Variants in PAK1 observed in about 807,000 individuals in gnomAD.
PAK1 encodes serine/threonine-protein kinase PAK 1.
PAK1 carries 29 observed loss-of-function variants against 67.4 expected under a neutral mutation model. The ratio of observed to expected loss-of-function variants is 0.43; its 90% CI spans 0.32 to 0.59. PAK1 has a LOEUF of 0.59. Ranked by LOEUF, PAK1 falls within the 20% of genes least tolerant of loss-of-function variation. The pLI is 0.07. For synonymous variants in PAK1, 223 were observed against 237.4 expected (o/e 0.94, Z 0.56); for missense variants, 337 against 670.7 (o/e 0.50, Z 5.50).
At chr11:77,468,541 G>C (rs1957704668) in intron 1 of PAK1, among the ~76,000 whole-genome samples, 1 of 152,176 alleles carries the variant, frequency 6.6e-6, no homozygotes, top group African/African-American at 2.4e-5. Context: ...TCAGGCACAA[G>C]TGATTCCAAA....
intron 1 of PAK1, among the ~76,000 whole-genome samples, chr11:77,459,956 A>T (rs1357784718): frequency 1.3e-5 from 2 of 151,606 alleles, no homozygotes; most frequent in Admixed American, 1.3e-4. Context: ...TAGGCCTCCC[A>T]AAGTGCTGGG....
At chr11:77,469,931 A>G (rs2135561424) in intron 1 of PAK1, among the ~76,000 whole-genome samples, 1 of 152,246 alleles carries the variant, frequency 6.6e-6, no homozygotes, top group East Asian at 1.9e-4. Flanking sequence ...CACTCCAAAC[A>G]TTTATCATTT....
intron 1 of PAK1, among the ~76,000 whole-genome samples, chr11:77,450,130 C>T (rs1393476321): frequency 6.6e-6 from 1 of 152,178 alleles, no homozygotes; most frequent in Non-Finnish European, 1.5e-5. Flanking sequence ...TTAAAGCACC[C>T]AGCAGAATGT....
At chr11:77,339,253 CA>C (rs1462690438) in intron 11 of PAK1, among the ~76,000 whole-genome samples, 1 of 151,842 alleles carries the variant, frequency 6.6e-6, no homozygotes, top group Non-Finnish European at 1.5e-5. Context: ...AATAATGAGG[CA>C]AAATGATTTC....
In PAK1 at chr11:77,363,101, A is replaced by ATCT. The variant is rs547094479; in HGVS notation, c.478-4085_478-4084insAGA. On this transcript the variant is annotated intron_variant, in intron 5 of 14. Coordinates refer to ENST00000356341, the MANE Select transcript of PAK1 (RefSeq NM_002576.5). ...CAAGGTTCAGCTAAGACAGTCAAGG[A>ATCT]TAAGACTATATCCTAAGGAAATTTT... Among the ~76,000 whole-genome samples, 8 of 152,332 alleles carry ATCT rather than the reference A, an allele frequency of 5.3e-5. No individual in the cohort carries two copies. The East Asian group carries it at 1.5e-3, about 29-fold the overall frequency.
chr11:77,383,267 A>C (rs1950061319), intron 2 of PAK1, among the ~76,000 whole-genome samples: 1 of 152,078 alleles, frequency 6.6e-6, no homozygotes, highest in South Asian at 2.1e-4. Flanking sequence ...GAGAGGAGAG[A>C]AGTAAAAGGA....
At chr11:77,371,945 T>C (rs1280334338) in intron 5 of PAK1, among the ~76,000 whole-genome samples, 2 of 152,232 alleles carry the variant, frequency 1.3e-5, no homozygotes, top group Non-Finnish European at 2.9e-5. Context: ...ATGACATCTT[T>C]TTTTGTTCCT....
At chr11:77,486,627 G>A in the PAK1 span, among the ~76,000 whole-genome samples, 2 of 152,182 alleles carry the variant, frequency 1.3e-5, no homozygotes, top group Non-Finnish European at 2.9e-5. Flanking sequence ...CTATGTGTTT[G>A]GGGGAGGGAA....
intron 4 of PAK1, among the ~76,000 whole-genome samples, chr11:77,376,477 G>A (rs1430424471): frequency 6.6e-6 from 1 of 152,098 alleles, no homozygotes; most frequent in East Asian, 1.9e-4. Context: ...CATGGCTCAC[G>A]CCTGTAATCC....
At chr11:77,520,920 G>A in the PAK1 span, among the ~76,000 whole-genome samples, 1 of 152,144 alleles carries the variant, frequency 6.6e-6, no homozygotes, top group Non-Finnish European at 1.5e-5. Flanking sequence ...CTGTGACAGG[G>A]TGCCACCCAT....
the PAK1 span, among the ~76,000 whole-genome samples, chr11:77,484,991 C>A: frequency 2.0e-5 from 3 of 152,226 alleles, no homozygotes; most frequent in East Asian, 5.8e-4. Context: ...GAAAACTCCC[C>A]GTTATAATAC....
At chr11:77,511,273 A>C in the PAK1 span, among the ~76,000 whole-genome samples, 1 of 152,178 alleles carries the variant, frequency 6.6e-6, no homozygotes, top group African/African-American at 2.4e-5. Flanking sequence ...TGGTGGTGGC[A>C]AAAACATCGA....
chr11:77,380,084 TGA>T, intron 2 of PAK1, 90 bp from the exon 3 acceptor site: 1 of 861,956 alleles, frequency 1.2e-6, no homozygotes, highest in Non-Finnish European at 1.8e-6. Flanking sequence ...GTAGTCTCCT[TGA>T]GAGGGCAAAG....
At chr11:77,436,486 C>G (rs1592468602) in intron 1 of PAK1, among the ~76,000 whole-genome samples, 2 of 152,274 alleles carry the variant, frequency 1.3e-5, no homozygotes, top group Admixed American at 1.3e-4. Flanking sequence ...GTCAATTTAT[C>G]TCTCTCTCTT....
chr11:77,431,129 C>A (rs1295797917), intron 1 of PAK1, among the ~76,000 whole-genome samples: 1 of 152,076 alleles, frequency 6.6e-6, no homozygotes, highest in African/African-American at 2.4e-5. Flanking sequence ...TCCCTAATGC[C>A]AAAAATGTTG....
intron 14 of PAK1, among the ~76,000 whole-genome samples, chr11:77,331,841 TA>T (rs1264920582): frequency 1.3e-5 from 2 of 150,026 alleles, no homozygotes; most frequent in Admixed American, 1.3e-4. Flanking sequence ...AAATAAAACA[TA>T]AATAAAATAA....
intron 14 of PAK1, among the ~76,000 whole-genome samples, chr11:77,328,118 C>T (rs916757374): frequency 3.9e-5 from 6 of 152,286 alleles, no homozygotes; most frequent in African/African-American, 1.4e-4. Context: ...AATACAGGAG[C>T]ACCCAGATTC....
chr11:77,376,727 A>T (rs1243502590), intron 4 of PAK1, among the ~76,000 whole-genome samples: 2 of 136,884 alleles, frequency 1.5e-5, no homozygotes, highest in Non-Finnish European at 3.2e-5. Flanking sequence ...ACAGAGTGAG[A>T]CTCCATCTCA....
the PAK1 span, among the ~76,000 whole-genome samples, chr11:77,492,440 G>A: frequency 6.6e-5 from 10 of 151,376 alleles, no homozygotes; most frequent in African/African-American, 2.2e-4. Flanking sequence ...CCCATAAAAG[G>A]AATTAATTAA....
Sources: allele counts gnomAD v4.1 joint callset (sites outside exome capture counted in the v4.1 genomes callset), GRCh38; gene constraint gnomAD v4.1.1; transcripts MANE v1.5; gene names NCBI Gene and HGNC (gene_info 2026-07-23, HGNC 2026-07-21).